DNAJC13: variants seen among roughly 807,000 people sequenced by gnomAD.
The protein encoded by DNAJC13 is DnaJ heat shock protein family (Hsp40) member C13, also known as dnaJ homolog subfamily C member 13.
Under a neutral mutation model 290.5 loss-of-function variants are expected in DNAJC13, and 75 were observed. That is an observed-to-expected ratio of 0.26 (90% CI 0.21 to 0.31). The LOEUF (loss-of-function observed/expected upper bound fraction) is 0.31. Among genes scored for constraint, DNAJC13 ranks in the 10% least tolerant of loss-of-function variants. The pLI is 1.00. For synonymous variants in DNAJC13, 862 were observed against 892.0 expected, an observed-to-expected ratio of 0.97 and a Z score of 0.60; for missense variants, 2,260 against 2,674.5, an observed-to-expected ratio of 0.85 and a Z score of 3.42.
rs369588055 is a variant in DNAJC13 at position 132,538,328 on chromosome 3, C to G, written c.*46C>G. 18 of 1,481,326 alleles carry G rather than the reference C, an allele frequency of 1.2e-5. No homozygotes were observed. The highest frequency in any genetic ancestry group is 1.5e-5 in the Non-Finnish European group (16 of 1,067,328). 91.8% of individuals were successfully genotyped at this position (1,481,326 alleles called of 1,614,324 possible). A position where few individuals can be genotyped will look rare whatever the true frequency, so the allele number is the denominator to read the frequency against. On this transcript the variant is annotated 3_prime_UTR_variant, in exon 56 of 56. Transcript: ENST00000260818. ...AACGCTGAAAGGCCAGTGCCAAGTC[C>G]ACATTCCTCCAGCTGATACGTTGAA...
intron 51 of DNAJC13, 25 bp downstream of exon 51, chr3:132,523,738 A>G (rs775678474): frequency 1.1e-5 from 17 of 1,602,332 alleles, no homozygotes; most frequent in South Asian, 5.6e-5. Flanking sequence ...AAAGCAAAAC[A>G]TTTCAAAGAC....
chr3:132,446,115 T>C (rs1203038416), intron 2 of DNAJC13, among the ~76,000 whole-genome samples: 1 of 152,006 alleles, frequency 6.6e-6, no homozygotes, highest in Non-Finnish European at 1.5e-5. Flanking sequence ...TTTGAAAGCA[T>C]TGGTATGCAG....
intron 15 of DNAJC13, among the ~76,000 whole-genome samples, chr3:132,461,946 GCCTCCCA>G (rs1455619297): frequency 6.6e-6 from 1 of 152,048 alleles, no homozygotes; most frequent in East Asian, 1.9e-4. Context: ...TCCTGCCTCA[GCCTCCCA>G]AAGTGCTGGG....
intron 55 of DNAJC13, among the ~76,000 whole-genome samples, chr3:132,533,206 C>T (rs1286860168): frequency 6.6e-6 from 1 of 151,466 alleles, no homozygotes. Context: ...TAGGCATGTA[C>T]CACCATGCCC....
chr3:132,453,845 A>G (rs1020305526), intron 8 of DNAJC13, 151 bp downstream of exon 8: 26 of 760,040 alleles, frequency 3.4e-5, no homozygotes, highest in Non-Finnish European at 4.8e-5. Context: ...TTAATTGATC[A>G]TAGAACAATG....
At chr3:132,466,950 C>G (rs1576476892) in intron 19 of DNAJC13, among the ~76,000 whole-genome samples, 1 of 152,184 alleles carries the variant, frequency 6.6e-6, no homozygotes, top group Admixed American at 6.5e-5. Flanking sequence ...CTCCCACTTG[C>G]ATCTTGCCAC....
In DNAJC13 at chr3:132,526,427, A is replaced by T. The variant is rs1190515977; in HGVS notation, c.6381+146A>T. 4.5e-6 allele frequency: 4 copies of T among 891,820 alleles called. No individual in the cohort carries two copies. The East Asian group carries it at 1.1e-4, about 24-fold the overall frequency. The allele number at this position is 891,820 out of a possible 1,614,324, so 55.2% of individuals were successfully genotyped here. ...TTGTGTATAAACAATTTTATATTTT[A>T]TATATACAAACACATACAGTAGTGT... is the stretch of plus-strand genomic sequence containing the variant. On this transcript the variant is annotated intron_variant, in intron 53 of 55. Transcript: ENST00000260818.
chr3:132,426,790 GT>G (rs530296305), intron 1 of DNAJC13, among the ~76,000 whole-genome samples: 47 of 148,658 alleles, frequency 3.2e-4, no homozygotes, highest in Admixed American at 6.0e-4. Context: ...ATTTTGTGAA[GT>G]TTTTTTTTTC....
intron 26 of DNAJC13, among the ~76,000 whole-genome samples, chr3:132,481,868 G>A (rs868109564): frequency 1.3e-5 from 2 of 152,050 alleles, no homozygotes; most frequent in Admixed American, 6.5e-5. Context: ...TTAATGATAC[G>A]TATCTATTTA....
intron 2 of DNAJC13, among the ~76,000 whole-genome samples, chr3:132,444,584 C>T (rs1000883710): frequency 6.6e-6 from 1 of 152,170 alleles, no homozygotes; most frequent in African/African-American, 2.4e-5. Context: ...TAAACAAATT[C>T]TGTAGTTTTA....
chr3:132,498,738 C>T (rs530052155), intron 36 of DNAJC13, among the ~76,000 whole-genome samples: 8 of 150,964 alleles, frequency 5.3e-5, no homozygotes, highest in Non-Finnish European at 8.8e-5. Flanking sequence ...TTTTTTGAGA[C>T]GGAGGCTTGC....
intron 1 of DNAJC13, 115 bp from the exon 2 acceptor site, chr3:132,434,422 GA>G: frequency 1.5e-6 from 1 of 646,674 alleles, no homozygotes; most frequent in Non-Finnish European, 2.6e-6. Flanking sequence ...TCTTGTAAAG[GA>G]TATACGGCAG....
intron 40 of DNAJC13, 148 bp downstream of exon 40, chr3:132,502,616 T>G (rs1350471350): frequency 4.4e-6 from 3 of 675,460 alleles, no homozygotes; most frequent in East Asian, 5.9e-5. Context: ...ACCTAATCAC[T>G]TACTTACAAA....
At chr3:132,422,297 A>C (rs764716510) in intron 1 of DNAJC13, among the ~76,000 whole-genome samples, 4 of 152,136 alleles carry the variant, frequency 2.6e-5, no homozygotes, top group Non-Finnish European at 5.9e-5. Context: ...TCAGCCTCTC[A>C]GAATGCTGGG....
chr3:132,515,517 T>C (rs888098395), intron 46 of DNAJC13, among the ~76,000 whole-genome samples: 1 of 151,838 alleles, frequency 6.6e-6, no homozygotes. Flanking sequence ...TTGCAGATTG[T>C]TTTTATCATA....
At chr3:132,501,507 A>G (rs377594532) in intron 39 of DNAJC13, among the ~76,000 whole-genome samples, 1 of 151,660 alleles carries the variant, frequency 6.6e-6, no homozygotes, top group Non-Finnish European at 1.5e-5. Flanking sequence ...ACTGAGATAT[A>G]TGCTTCAGAG....
At chr3:132,535,589 A>G (rs1216053892) in intron 55 of DNAJC13, among the ~76,000 whole-genome samples, 1 of 152,248 alleles carries the variant, frequency 6.6e-6, no homozygotes, top group East Asian at 1.9e-4. Flanking sequence ...AAAAGAAGGA[A>G]CAACAGGAAA....
rs577644887 is a variant in DNAJC13, at chr3:132,452,813, A to G, written c.538-485A>G. 2.6e-5 allele frequency among the ~76,000 whole-genome samples: 4 copies of G among 152,344 alleles called. No individual in the cohort carries two copies. The East Asian group carries it at 7.7e-4, about 29-fold the overall frequency. ...TGTAGCCTGTTCCCTTACCTTTGTA[A>G]ATAGAGCCCAGAAAGTTGGTTTGTA... On this transcript the variant is annotated intron_variant, in intron 6 of 55. Coordinates refer to ENST00000260818, the MANE Select transcript of DNAJC13 (RefSeq NM_015268.4).
intron 1 of DNAJC13, among the ~76,000 whole-genome samples, chr3:132,431,879 G>A (rs188800550): frequency 2.0e-5 from 3 of 152,244 alleles, no homozygotes; most frequent in African/African-American, 4.8e-5. Flanking sequence ...GGTATAATGG[G>A]GGGTGACCGC....
Sources: allele counts gnomAD v4.1 joint callset (sites outside exome capture counted in the v4.1 genomes callset), GRCh38; gene constraint gnomAD v4.1.1; transcripts MANE v1.5; gene names NCBI Gene and HGNC (gene_info 2026-07-23, HGNC 2026-07-21).